EYS: variants seen among roughly 807,000 people sequenced by gnomAD.
EYS encodes protein eyes shut homolog.
A neutral mutation model predicts 282.1 loss-of-function variants in EYS; 250 were observed. The observed-to-expected ratio is 0.89, with a 90% confidence interval of 0.80 to 0.98. EYS has a LOEUF of 0.98. Among genes scored for constraint, EYS ranks in the 50% least tolerant of loss-of-function variants. The probability of loss-of-function intolerance (pLI) is 0.00; values close to 1 mark genes in which losing one functional copy is unlikely to be tolerated. For missense variants in EYS, 4,016 were observed against 3,709.0 expected, an observed-to-expected ratio of 1.08 and a Z score of -2.15; for synonymous variants, 1,355 against 1,282.9, an observed-to-expected ratio of 1.06 and a Z score of -1.20.
intron 41 of EYS, among the ~76,000 whole-genome samples, chr6:63,736,675 G>T (rs532029163): frequency 3.8e-4 from 58 of 152,228 alleles, no homozygotes; most frequent in Non-Finnish European, 4.9e-4. Flanking sequence ...AATTACCTTG[G>T]GCAGTACGGC....
chr6:64,149,556 AGC>A (rs775494655), intron 31 of EYS, among the ~76,000 whole-genome samples: 10 of 152,204 alleles, frequency 6.6e-5, no homozygotes, highest in Non-Finnish European at 1.3e-4. Flanking sequence ...GCCAAATAGC[AGC>A]AGCAGCTACC....
chr6:64,331,574 G>T (rs1267456735), intron 29 of EYS, among the ~76,000 whole-genome samples: 1 of 134,870 alleles, frequency 7.4e-6, no homozygotes, highest in Admixed American at 7.7e-5. Context: ...TTCTCAGATG[G>T]GAGGCTCGCC....
chr6:65,098,503 G>A (rs962934875), intron 12 of EYS, among the ~76,000 whole-genome samples: 4 of 150,772 alleles, frequency 2.7e-5, no homozygotes, highest in South Asian at 2.1e-4. Flanking sequence ...GTGCCAGAAT[G>A]TTTTCTGGTT....
In EYS at chr6:65,635,330, A is replaced by T. The variant is rs554683528; in HGVS notation, c.-333+4448T>A. Among the ~76,000 whole-genome samples the T allele has an allele frequency of 2.0e-5, 3 of 152,282 alleles. No individual in the cohort carries two copies. The East Asian group carries it at 5.8e-4, about 29-fold the overall frequency. ...TATGGAGCCCAAAGCAGGGTTTAAA[A>T]CTACCTTTGCAAATTATATCAGGGA... On this transcript the variant is annotated intron_variant, in intron 2 of 42. Coordinates refer to ENST00000503581, the MANE Select transcript of EYS (RefSeq NM_001142800.2).
intron 41 of EYS, among the ~76,000 whole-genome samples, chr6:63,727,198 T>C (rs1343934926): frequency 6.6e-6 from 1 of 152,052 alleles, no homozygotes; most frequent in East Asian, 1.9e-4. Context: ...ATGGGAATTA[T>C]GAGAGGGAGA....
intron 2 of EYS, among the ~76,000 whole-genome samples, chr6:65,510,689 A>T (rs570830401): frequency 6.6e-6 from 1 of 152,216 alleles, no homozygotes; most frequent in Non-Finnish European, 1.5e-5. Context: ...TCTCCCACAA[A>T]TCCTTATCTC....
At chr6:65,216,760 T>G (rs994318492) in intron 12 of EYS, among the ~76,000 whole-genome samples, 1 of 151,770 alleles carries the variant, frequency 6.6e-6, no homozygotes. Flanking sequence ...CTGTTATAAT[T>G]TACTTGGCTT....
At chr6:65,390,711 C>A (rs919898371) in intron 7 of EYS, among the ~76,000 whole-genome samples, 5 of 151,714 alleles carry the variant, frequency 3.3e-5, no homozygotes, top group Admixed American at 6.6e-5. Context: ...TAGTAAGACC[C>A]CATATCCACA....
chr6:65,368,805 C>CA (rs1237156040), intron 8 of EYS, among the ~76,000 whole-genome samples: 1 of 151,502 alleles, frequency 6.6e-6, no homozygotes, highest in East Asian at 1.9e-4. Flanking sequence ...AGAGTCAGTA[C>CA]AAGTACAGGA....
At chr6:65,340,426 C>A (rs1447556389) in intron 10 of EYS, among the ~76,000 whole-genome samples, 3 of 151,024 alleles carry the variant, frequency 2.0e-5, no homozygotes, top group Admixed American at 6.6e-5. Context: ...CTAAAATAAA[C>A]CTAATTTCCC....
intron 41 of EYS, among the ~76,000 whole-genome samples, chr6:63,736,325 A>T (rs1768912349): frequency 6.6e-6 from 1 of 152,156 alleles, no homozygotes; most frequent in African/African-American, 2.4e-5. Flanking sequence ...TTTTCCCAGC[A>T]CCATTTATTA....
intron 22 of EYS, among the ~76,000 whole-genome samples, chr6:64,648,787 T>C (rs1204741520): frequency 6.6e-6 from 1 of 152,164 alleles, no homozygotes; most frequent in East Asian, 1.9e-4. Flanking sequence ...AATGGAGAAA[T>C]AGCTAAAAAT....
chr6:64,215,047 T>G (rs1308979129), intron 31 of EYS, among the ~76,000 whole-genome samples: 1 of 152,036 alleles, frequency 6.6e-6, no homozygotes, highest in Non-Finnish European at 1.5e-5. Flanking sequence ...CTGATTTCTA[T>G]TATCTAAAGA....
At chr6:65,154,921 A>C (rs1281046663) in intron 12 of EYS, among the ~76,000 whole-genome samples, 1 of 151,656 alleles carries the variant, frequency 6.6e-6, no homozygotes, top group East Asian at 1.9e-4. Flanking sequence ...AAAGTACAAT[A>C]TTAGTTTTTT....
intron 30 of EYS, among the ~76,000 whole-genome samples, chr6:64,287,778 C>A (rs545933736): frequency 6.6e-6 from 1 of 152,040 alleles, no homozygotes; most frequent in Non-Finnish European, 1.5e-5. Context: ...AACAATAGAC[C>A]GGAAAGATTA....
chr6:65,663,866 C>CTTTTTT (rs66999581), intron 1 of EYS, among the ~76,000 whole-genome samples: 72 of 75,888 alleles, frequency 9.5e-4, no homozygotes, highest in East Asian at 6.3e-3. Context: ...TTTTTCTTTT[C>CTTTTTT]TTTTTTTTTT....
At chr6:65,580,864 C>A (rs1195738055) in intron 2 of EYS, among the ~76,000 whole-genome samples, 1 of 151,910 alleles carries the variant, frequency 6.6e-6, no homozygotes, top group Non-Finnish European at 1.5e-5. Context: ...TATTAAAGGC[C>A]ATTTTTTATC....
intron 2 of EYS, among the ~76,000 whole-genome samples, chr6:65,544,273 A>ATTTAAT (rs1768301260): frequency 6.6e-6 from 1 of 152,104 alleles, no homozygotes; most frequent in Admixed American, 6.6e-5. Context: ...TTAAAAATTC[A>ATTTAAT]CTTAAGTCTA....
intron 30 of EYS, among the ~76,000 whole-genome samples, chr6:64,299,349 C>T (rs1018915265): frequency 2.3e-4 from 35 of 152,174 alleles, no homozygotes; most frequent in African/African-American, 5.6e-4. Flanking sequence ...AGTGTGCATG[C>T]GGCTGCTACA....
Sources: allele counts gnomAD v4.1 joint callset (sites outside exome capture counted in the v4.1 genomes callset), GRCh38; gene constraint gnomAD v4.1.1; transcripts MANE v1.5; gene names NCBI Gene and HGNC (gene_info 2026-07-23, HGNC 2026-07-21).